The following REV3L variants were observed in gnomAD, a reference collection of about 807,000 sequenced individuals.
REV3L encodes the protein DNA polymerase zeta catalytic subunit.
Under a neutral mutation model 299.4 loss-of-function variants are expected in REV3L, and 69 were observed. The ratio of observed to expected loss-of-function variants is 0.23; its 90% confidence interval spans 0.19 to 0.28. The LOEUF (loss-of-function observed/expected upper bound fraction) is 0.28, where lower values mean the gene tolerates loss of function less well. Ranked by LOEUF, REV3L falls within the 10% of genes least tolerant of loss-of-function variation. REV3L has a pLI of 1.00. For missense variants in REV3L, 3,128 were observed against 3,693.8 expected, an observed-to-expected ratio of 0.85 and a Z score of 3.97; for synonymous variants, 1,238 against 1,271.4, an observed-to-expected ratio of 0.97 and a Z score of 0.56.
In REV3L at chr6:111,349,209, A is replaced by G. The variant is rs3218581; in HGVS notation, c.7419+9T>C. The G allele has an allele frequency of 2.5e-5, 34 of 1,338,402 alleles. No homozygotes were observed. Among genetic ancestry groups the G allele is most frequent in the Non-Finnish European group, 3.4e-5 (32 of 933,216 alleles). 82.9% of individuals were successfully genotyped at this position (1,338,402 alleles called of 1,614,324 possible). The stretch of plus-strand genomic sequence containing the variant: ...TATTTCTAAACAACATTTTGGATAA[A>G]TCACCCACCTCATTTCTCATGATTC... On this transcript the variant is annotated intron_variant, in intron 20 of 31. Transcript: ENST00000368802.
intron 21 of REV3L, among the ~76,000 whole-genome samples, chr6:111,338,697 G>A (rs888176556): frequency 6.6e-6 from 1 of 151,846 alleles, no homozygotes. Flanking sequence ...AATCTTAAAG[G>A]TTCCTGATTT....
chr6:111,470,174 TCACACACACACACACACACA>T (rs6149753), intron 1 of REV3L, among the ~76,000 whole-genome samples: 252 of 150,314 alleles, frequency 1.7e-3, no homozygotes, highest in African/African-American at 5.6e-3. Flanking sequence ...TTACTATCTC[TCACACACACACACACACACA>T]CACACACACA....
chr6:111,439,712 A>G (rs1419053302), intron 1 of REV3L, among the ~76,000 whole-genome samples: 1 of 152,218 alleles, frequency 6.6e-6, no homozygotes, highest in Non-Finnish European at 1.5e-5. Context: ...GGCTGGACCA[A>G]GAAAAGGTCA....
At chr6:111,380,790 G>A (rs1435073410) in intron 10 of REV3L, among the ~76,000 whole-genome samples, 2 of 152,234 alleles carry the variant, frequency 1.3e-5, no homozygotes, top group African/African-American at 2.4e-5. Context: ...GGTCTTGGCC[G>A]TGGGTACAGC....
chr6:111,319,343 C>T (rs1773880381), intron 26 of REV3L, among the ~76,000 whole-genome samples: 5 of 152,048 alleles, frequency 3.3e-5, no homozygotes, highest in Admixed American at 2.0e-4. Context: ...TGCCTGTAGT[C>T]CCAGCTACTC....
At chr6:111,409,360 CT>C (rs35615971) in intron 3 of REV3L, among the ~76,000 whole-genome samples, 5,206 of 135,018 alleles carry the variant, frequency 0.039, 115 homozygotes, top group Admixed American at 0.078. Context: ...GTGAAACCGG[CT>C]TTTTTTTTTT....
chr6:111,363,295 C>G (rs1778881083), intron 16 of REV3L, among the ~76,000 whole-genome samples: 1 of 151,954 alleles, frequency 6.6e-6, no homozygotes, highest in African/African-American at 2.4e-5. Flanking sequence ...TACAGACTTA[C>G]TTCTTTTTTT....
At chr6:111,393,336 A>T (rs1782137324) in intron 4 of REV3L, among the ~76,000 whole-genome samples, 1 of 152,148 alleles carries the variant, frequency 6.6e-6, no homozygotes, top group Non-Finnish European at 1.5e-5. Context: ...TCTTTAAAAA[A>T]TTTTATTACT....
At chr6:111,429,661 C>CGGGGT (rs1317521982) in intron 1 of REV3L, among the ~76,000 whole-genome samples, 1 of 146,790 alleles carries the variant, frequency 6.8e-6, no homozygotes, top group Non-Finnish European at 1.5e-5. Context: ...ATGTGGGGGG[C>CGGGGT]GGGGTGGGGT....
intron 1 of REV3L, among the ~76,000 whole-genome samples, chr6:111,445,466 T>TA (rs1325986631): frequency 6.6e-6 from 1 of 152,242 alleles, no homozygotes; most frequent in African/African-American, 2.4e-5. Context: ...AAGTTACTCT[T>TA]AAAACCTTAT....
At chr6:111,475,069 T>C (rs577741048) in intron 1 of REV3L, among the ~76,000 whole-genome samples, 66 of 152,036 alleles carry the variant, frequency 4.3e-4, no homozygotes, top group Non-Finnish European at 9.4e-4. Flanking sequence ...TACATAGGCA[T>C]ATATAGCATA....
chr6:111,364,023 G>C (rs376644369), intron 15 of REV3L, 45 bp from the exon 16 acceptor site: 1 of 1,566,404 alleles, frequency 6.4e-7, no homozygotes, highest in Non-Finnish European at 8.6e-7. Flanking sequence ...AAAGATACAT[G>C]AGCAATCATT....
chr6:111,483,300 C>T (rs1401483564), upstream of REV3L: 1 of 425,408 alleles, frequency 2.4e-6, no homozygotes, highest in East Asian at 4.1e-5. Context: ...GGGGGCTCGG[C>T]GGGAAAAGGA....
At chr6:111,478,925 A>G (rs1793273485) in intron 1 of REV3L, among the ~76,000 whole-genome samples, 2 of 152,196 alleles carry the variant, frequency 1.3e-5, no homozygotes, top group Non-Finnish European at 2.9e-5. Flanking sequence ...CTTTGTGGAC[A>G]TCCCACACTC....
chr6:111,480,742 G>C (rs1793524952), intron 1 of REV3L, among the ~76,000 whole-genome samples: 2 of 150,172 alleles, frequency 1.3e-5, no homozygotes, highest in African/African-American at 4.9e-5. Flanking sequence ...CATATAAAAA[G>C]TGTTACTTTT....
At chr6:111,310,780 A>G (rs925114318) in intron 29 of REV3L, 9 of 297,772 alleles carry the variant, frequency 3.0e-5, no homozygotes, top group Non-Finnish European at 4.9e-5. Context: ...ATGCTTTGGT[A>G]GAACAATATT....
intron 1 of REV3L, among the ~76,000 whole-genome samples, chr6:111,433,257 T>G (rs1264243990): frequency 6.6e-6 from 1 of 152,090 alleles, no homozygotes; most frequent in Non-Finnish European, 1.5e-5. Context: ...AATGAAAGGT[T>G]GTTTTTTTTA....
At chr6:111,403,957 A>AAC (rs1783355573) in intron 4 of REV3L, among the ~76,000 whole-genome samples, 2 of 152,070 alleles carry the variant, frequency 1.3e-5, no homozygotes, top group South Asian at 4.1e-4. Flanking sequence ...CAGATAGGTG[A>AAC]AACAGCAGGG....
At chr6:111,474,986 T>TACACACACAC (rs1362668998) in intron 1 of REV3L, among the ~76,000 whole-genome samples, 7 of 18,112 alleles carry the variant, frequency 3.9e-4, no homozygotes, top group African/African-American at 1.5e-3. Flanking sequence ...GCTGCCTATA[T>TACACACACAC]ATACACACAC....
Sources: allele counts gnomAD v4.1 joint callset (sites outside exome capture counted in the v4.1 genomes callset), GRCh38; gene constraint gnomAD v4.1.1; transcripts MANE v1.5; gene names NCBI Gene and HGNC (gene_info 2026-07-23, HGNC 2026-07-21).